IFT43: variants seen among roughly 807,000 people sequenced by gnomAD.
IFT43 encodes the protein intraflagellar transport protein 43 homolog.
IFT43 carries 33 observed loss-of-function variants against 32.3 expected under a neutral mutation model. The ratio of observed to expected loss-of-function variants is 1.02; its 90% confidence interval spans 0.77 to 1.37. The LOEUF (loss-of-function observed/expected upper bound fraction) is 1.37. Ranked by LOEUF, IFT43 falls within the 40% of genes most tolerant of loss-of-function variation. IFT43 has a pLI of 0.00. For synonymous variants in IFT43, 93 were observed against 98.2 expected, an observed-to-expected ratio of 0.95 and a Z score of 0.31; for missense variants, 274 against 265.9, an observed-to-expected ratio of 1.03 and a Z score of -0.21.
intron 3 of IFT43, among the ~76,000 whole-genome samples, chr14:76,042,450 C>T (rs2036725102): frequency 6.6e-6 from 1 of 152,106 alleles, no homozygotes; most frequent in African/African-American, 2.4e-5. Flanking sequence ...AGCAGATATT[C>T]CCTGAGGGCT....
In IFT43 at chr14:76,022,528, A is replaced by G. The variant is rs112935316; in HGVS notation, c.215+134A>G. The G allele has an allele frequency of 7.5e-3, 4,669 of 621,820 alleles. 118 individuals are homozygous for G. Among genetic ancestry groups the G allele is most frequent in the African/African-American group, 0.044 (2,403 of 54,338 alleles). The allele number at this position is 621,820 out of a possible 1,614,324, so 38.5% of individuals were successfully genotyped here. A position where few individuals can be genotyped will look rare whatever the true frequency, so the allele number is the denominator to read the frequency against. On this transcript the variant is annotated intron_variant, in intron 3 of 8. Coordinates refer to ENST00000314067, the MANE Select transcript of IFT43 (RefSeq NM_001102564.3). ...TATACCATACAATTCACCCACTTAA[A>G]ATGCACAATTTAATCATTCTTAATA...
chr14:76,037,430 A>G (rs1352950478), intron 3 of IFT43, among the ~76,000 whole-genome samples: 1 of 152,208 alleles, frequency 6.6e-6, no homozygotes, highest in Admixed American at 6.5e-5. Flanking sequence ...CCATGATTTC[A>G]TTAAAGGTTG....
intron 5 of IFT43, among the ~76,000 whole-genome samples, chr14:76,064,910 C>A (rs2037202340): frequency 6.6e-6 from 1 of 152,186 alleles, no homozygotes; most frequent in Non-Finnish European, 1.5e-5. Flanking sequence ...TTCTGAAATT[C>A]TACTTTCTCT....
Position 75,993,394 on chromosome 14 carries a change from G to C in IFT43, c.147+4417G>C, listed in dbSNP as rs576445228. Among the ~76,000 whole-genome samples the C allele has an allele frequency of 1.3e-4, 20 of 152,340 alleles. No individual in the cohort carries two copies. The South Asian group carries it at 4.1e-3, about 32-fold the overall frequency. ...ATGGCGGCAATTGGCTGGTGCTGCA[G>C]CTGCTGATAGCTTACATGCATCCAT... On this transcript the variant is annotated intron_variant, in intron 2 of 8. Coordinates refer to ENST00000314067, the MANE Select transcript of IFT43 (RefSeq NM_001102564.3).
At chr14:76,076,206 G>A (rs1227361300) in intron 5 of IFT43, among the ~76,000 whole-genome samples, 2 of 152,214 alleles carry the variant, frequency 1.3e-5, no homozygotes, top group African/African-American at 4.8e-5. Context: ...TGAGTAAATG[G>A]AGTGGGGTGG....
intron 2 of IFT43, among the ~76,000 whole-genome samples, chr14:76,006,513 T>C (rs754303341): frequency 1.3e-5 from 2 of 152,168 alleles, no homozygotes; most frequent in African/African-American, 2.4e-5. Context: ...TTAACACTGG[T>C]GTATGCATAA....
At chr14:76,068,984 G>T (rs138551063) in intron 5 of IFT43, among the ~76,000 whole-genome samples, 18 of 152,274 alleles carry the variant, frequency 1.2e-4, no homozygotes, top group African/African-American at 4.3e-4. Flanking sequence ...GACAAACTGC[G>T]ACTGAGTCCC....
intron 3 of IFT43, among the ~76,000 whole-genome samples, chr14:76,037,704 T>TTA (rs60145019): frequency 6.6e-6 from 1 of 151,338 alleles, no homozygotes; most frequent in Non-Finnish European, 1.5e-5. Flanking sequence ...TTTTTTTTTT[T>TTA]AATTTTATTG....
At chr14:76,036,230 G>A (rs1000269335) in intron 3 of IFT43, among the ~76,000 whole-genome samples, 1 of 152,018 alleles carries the variant, frequency 6.6e-6, no homozygotes, top group African/African-American at 2.4e-5. Context: ...GTCATATTGA[G>A]TTACTTCCAT....
chr14:76,053,109 A>G (rs1180125413), intron 3 of IFT43, among the ~76,000 whole-genome samples: 1 of 152,172 alleles, frequency 6.6e-6, no homozygotes, highest in African/African-American at 2.4e-5. Context: ...GAATAAAATA[A>G]GGTACTATAA....
At chr14:76,048,180 G>A (rs989161609) in intron 3 of IFT43, among the ~76,000 whole-genome samples, 2 of 152,174 alleles carry the variant, frequency 1.3e-5, no homozygotes, top group Non-Finnish European at 2.9e-5. Context: ...TCACAAAAAG[G>A]CCATGCACTA....
chr14:75,999,362 A>C (rs2035840834), intron 2 of IFT43, among the ~76,000 whole-genome samples: 1 of 146,336 alleles, frequency 6.8e-6, no homozygotes. Flanking sequence ...TCCCGGCCTT[A>C]AGTGATCCTC....
chr14:76,040,666 A>C (rs2036689540), intron 3 of IFT43, among the ~76,000 whole-genome samples: 1 of 152,168 alleles, frequency 6.6e-6, no homozygotes, highest in African/African-American at 2.4e-5. Flanking sequence ...AAATCTCTGG[A>C]CTCTTGCACT....
At chr14:75,989,084 C>A in intron 2 of IFT43, 107 bp downstream of exon 2, 1 of 1,333,890 alleles carries the variant, frequency 7.5e-7, no homozygotes, top group Non-Finnish European at 1.0e-6. Context: ...GAATGCCAAC[C>A]CTTTCTCCTG....
chr14:75,990,588 A>G (rs554646173), intron 2 of IFT43, among the ~76,000 whole-genome samples: 5 of 152,340 alleles, frequency 3.3e-5, no homozygotes, highest in East Asian at 1.9e-4. Context: ...ATGTACTTAC[A>G]CATTAGAAGC....
chr14:76,026,725 A>G (rs1045761695), intron 3 of IFT43, among the ~76,000 whole-genome samples: 2 of 152,168 alleles, frequency 1.3e-5, no homozygotes, highest in African/African-American at 4.8e-5. Context: ...CAGCAATCCC[A>G]TTACTGGGTA....
chr14:76,066,592 A>G (rs2037228002), intron 5 of IFT43, among the ~76,000 whole-genome samples: 1 of 152,258 alleles, frequency 6.6e-6, no homozygotes, highest in Non-Finnish European at 1.5e-5. Flanking sequence ...TAGAATATCC[A>G]GTGGGTGGGG....
At chr14:76,008,775 T>G (rs1253057007) in intron 2 of IFT43, among the ~76,000 whole-genome samples, 3 of 152,230 alleles carry the variant, frequency 2.0e-5, no homozygotes, top group African/African-American at 7.2e-5. Context: ...ATTTTCCAAG[T>G]GCAAAGATTT....
chr14:76,027,674 G>A (rs780884392), intron 3 of IFT43, among the ~76,000 whole-genome samples: 20 of 145,114 alleles, frequency 1.4e-4, no homozygotes, highest in South Asian at 4.3e-4. Context: ...GTGCCACTGC[G>A]CTCCAGCCTG....
Sources: allele counts gnomAD v4.1 joint callset (sites outside exome capture counted in the v4.1 genomes callset), GRCh38; gene constraint gnomAD v4.1.1; transcripts MANE v1.5; gene names NCBI Gene and HGNC (gene_info 2026-07-23, HGNC 2026-07-21).